The following RASA3 variants were observed in gnomAD, a reference collection of about 807,000 sequenced individuals.
RASA3 encodes the protein ras GTPase-activating protein 3.
A neutral mutation model predicts 110.0 loss-of-function variants in RASA3; 73 were observed. That is an observed-to-expected ratio of 0.66 (90% CI 0.55 to 0.81). The LOEUF is 0.81. RASA3 is among the 30% of genes least tolerant of loss of function. RASA3 has a pLI of 0.00. For synonymous variants in RASA3, 500 were observed against 451.4 expected, an observed-to-expected ratio of 1.11 and a Z score of -1.37; for missense variants, 976 against 1,113.2, an observed-to-expected ratio of 0.88 and a Z score of 1.75.
chr13:114,018,296 A>T (rs2053839273), intron 10 of RASA3, 44 bp from the exon 11 acceptor site: 9 of 1,535,138 alleles, frequency 5.9e-6, no homozygotes, highest in Middle Eastern at 2.2e-4. Flanking sequence ...GGGGTGCAGG[A>T]ACCCCAGAGG....
intron 4 of RASA3, among the ~76,000 whole-genome samples, chr13:114,036,990 T>G (rs2054290458): frequency 6.6e-6 from 1 of 152,168 alleles, no homozygotes; most frequent in South Asian, 2.1e-4. Flanking sequence ...CTCCTCCCTT[T>G]TAGACAACAG....
At chr13:114,118,703 G>A (rs1481773460) in intron 1 of RASA3, among the ~76,000 whole-genome samples, 1 of 152,254 alleles carries the variant, frequency 6.6e-6, no homozygotes, top group African/African-American at 2.4e-5. Context: ...CAGCTTTTGA[G>A]CTCCGCACAC....
intron 17 of RASA3, among the ~76,000 whole-genome samples, chr13:114,007,965 G>A (rs61971858): frequency 0.4 from 36,348 of 91,470 alleles, 7,083 homozygotes; most frequent in African/African-American, 0.59. Context: ...GGGCCTGGAG[G>A]TTGCCCCCAC....
intron 1 of RASA3, among the ~76,000 whole-genome samples, chr13:114,087,520 C>T (rs565198735): frequency 2.0e-5 from 3 of 152,228 alleles, no homozygotes; most frequent in Admixed American, 6.5e-5. Context: ...CCAGAGCCGG[C>T]GGGATTGCGG....
At chr13:114,126,211 C>T (rs1367717253) in intron 1 of RASA3, among the ~76,000 whole-genome samples, 2 of 151,768 alleles carry the variant, frequency 1.3e-5, no homozygotes, top group Non-Finnish European at 2.9e-5. Context: ...ACCTGCTGTC[C>T]AACCTCGCAC....
chr13:113,995,390 A>C (rs2053208785), intron 21 of RASA3, among the ~76,000 whole-genome samples: 1 of 152,204 alleles, frequency 6.6e-6, no homozygotes, highest in South Asian at 2.1e-4. Context: ...CTAAGGTCCC[A>C]CCTCTGAGGC....
At chr13:114,118,023 C>T (rs1566586290) in intron 1 of RASA3, among the ~76,000 whole-genome samples, 1 of 152,044 alleles carries the variant, frequency 6.6e-6, no homozygotes, top group East Asian at 1.9e-4. Flanking sequence ...ACCAAGTGTC[C>T]GTGAGTGCAC....
At chr13:114,106,196 G>A (rs1046033749) in intron 1 of RASA3, among the ~76,000 whole-genome samples, 1 of 152,194 alleles carries the variant, frequency 6.6e-6, no homozygotes, top group Non-Finnish European at 1.5e-5. Flanking sequence ...TGTTTCCTGT[G>A]TGTGTTTACA....
chr13:114,092,020 T>C (rs1442416020), intron 1 of RASA3, among the ~76,000 whole-genome samples: 2 of 152,136 alleles, frequency 1.3e-5, no homozygotes, highest in African/African-American at 2.4e-5. Context: ...TCAGTTATAA[T>C]GTTTCTTTTT....
At chr13:114,117,070 G>GA (rs1239216635) in intron 1 of RASA3, among the ~76,000 whole-genome samples, 150 of 126,692 alleles carry the variant, frequency 1.2e-3, no homozygotes, top group Middle Eastern at 6.0e-3. Flanking sequence ...GCATGTGTGT[G>GA]GGGGTGCACG....
chr13:114,019,773 C>T (rs1398231163), intron 9 of RASA3, among the ~76,000 whole-genome samples: 2 of 147,586 alleles, frequency 1.4e-5, no homozygotes, highest in African/African-American at 2.5e-5. Context: ...GAGCCTGTGT[C>T]CGAGGCATTA....
chr13:114,044,832 T>G (rs1417339137), intron 3 of RASA3, among the ~76,000 whole-genome samples: 4 of 152,096 alleles, frequency 2.6e-5, no homozygotes, highest in Non-Finnish European at 4.4e-5. Flanking sequence ...ATACTTGCAA[T>G]GTCACTGTGT....
rs987944526 is a variant in RASA3 at position 114,065,561 on chromosome 13, A to C, written c.173+8159T>G. Among the ~76,000 whole-genome samples, 1 of 152,080 alleles carries C rather than the reference A, an allele frequency of 6.6e-6. No homozygotes were observed. The highest frequency in any genetic ancestry group is 1.5e-5 in the Non-Finnish European group (1 of 68,004). ...GCAACTTGGCCAGGGAAAATGCTCC[A>C]TCTCCGCAAAGGACAGGAGGCAAAA... is the stretch of plus-strand genomic sequence containing the variant. On this transcript the variant is annotated intron_variant, in intron 2 of 23. Transcript: ENST00000334062. The surrounding 1 kb of genome is among the most constrained non-coding windows in gnomAD (Gnocchi z 4.1).
intron 4 of RASA3, among the ~76,000 whole-genome samples, chr13:114,037,604 C>T (rs985259563): frequency 6.6e-6 from 1 of 152,102 alleles, no homozygotes; most frequent in African/African-American, 2.4e-5. Flanking sequence ...GACGGTTATA[C>T]AATATTATGA....
At chr13:114,058,049 C>T (rs946935996) in intron 2 of RASA3, among the ~76,000 whole-genome samples, 6 of 152,188 alleles carry the variant, frequency 3.9e-5, no homozygotes, top group African/African-American at 7.2e-5. Context: ...CTGTCCTGTC[C>T]TATTCATTCA....
At chr13:114,023,079 G>T (rs1171844298) in intron 8 of RASA3, among the ~76,000 whole-genome samples, 2 of 152,354 alleles carry the variant, frequency 1.3e-5, no homozygotes, top group Admixed American at 6.5e-5. Flanking sequence ...CCCAGCAGCC[G>T]TAGGGCCTGA....
At chr13:114,039,975 A>G (rs903268828) in intron 4 of RASA3, among the ~76,000 whole-genome samples, 4 of 152,222 alleles carry the variant, frequency 2.6e-5, no homozygotes, top group African/African-American at 7.2e-5. Flanking sequence ...GCCGCGTGCC[A>G]GGCAACAGCC....
rs2139016777 is a variant in RASA3, at chr13:113,978,961, G to A, written c.*386C>T. 2 of 277,308 alleles carry A rather than the reference G, an allele frequency of 7.2e-6. No individual in the cohort carries two copies. Among genetic ancestry groups the A allele is most frequent in the East Asian group, 1.8e-4 (2 of 11,350 alleles). The allele number at this position is 277,308 out of a possible 1,614,324, so 17.2% of individuals were successfully genotyped here. A position where few individuals can be genotyped will look rare whatever the true frequency, so the allele number is the denominator to read the frequency against. On this transcript the variant is annotated 3_prime_UTR_variant, in exon 24 of 24. Transcript: ENST00000334062. ...CGCACCGTGCACGCAAGACAGACGTGCACGAGACTGACGCACACACGGCCG... is the reference window on the plus strand; with the variant it reads ...CGCACCGTGCACGCAAGACAGACGTACACGAGACTGACGCACACACGGCCG...
At chr13:114,104,529 C>T (rs991503115) in intron 1 of RASA3, among the ~76,000 whole-genome samples, 3 of 152,144 alleles carry the variant, frequency 2.0e-5, no homozygotes, top group Non-Finnish European at 4.4e-5. Flanking sequence ...GCGGGAACTC[C>T]GGTGGCGGGC....
Sources: allele counts gnomAD v4.1 joint callset (sites outside exome capture counted in the v4.1 genomes callset), GRCh38; gene constraint gnomAD v4.1.1; non-coding constraint Gnocchi (gnomAD v3.1); transcripts MANE v1.5; gene names NCBI Gene and HGNC (gene_info 2026-07-23, HGNC 2026-07-21).